Variants in TTLL5 observed in about 807,000 individuals in gnomAD.
TTLL5 encodes tubulin tyrosine ligase like 5.
In TTLL5, 132 loss-of-function variants were observed where a neutral mutation model predicts 168.4. That is an observed-to-expected ratio of 0.78 (90% confidence interval 0.68 to 0.91). TTLL5 has a LOEUF of 0.91. Among genes scored for constraint, TTLL5 ranks in the 40% least tolerant of loss-of-function variants. TTLL5 has a pLI of 0.00. For synonymous variants in TTLL5, 546 were observed against 558.6 expected (o/e 0.98, Z 0.32); for missense variants, 1,545 against 1,581.5 (o/e 0.98, Z 0.39).
At chr14:75,755,725 A>G (rs983585669) in intron 18 of TTLL5, among the ~76,000 whole-genome samples, 22 of 152,162 alleles carry the variant, frequency 1.4e-4, no homozygotes, top group Non-Finnish European at 4.4e-5. Flanking sequence ...AGCAAGTCCT[A>G]GTATCTTCCA....
chr14:75,763,253 CTCTGTGTGTGTGTGTGTG>C (rs1225402992), intron 18 of TTLL5, among the ~76,000 whole-genome samples: 10 of 145,398 alleles, frequency 6.9e-5, no homozygotes, highest in African/African-American at 2.5e-4. Context: ...ATAGCTCTCT[CTCTGTGTGTGTGTGTGTG>C]TGTGTGTGTG....
At chr14:75,863,529 A>G in intron 28 of TTLL5, 138 bp from the exon 29 acceptor site, 1 of 811,482 alleles carries the variant, frequency 1.2e-6, no homozygotes. Context: ...GGAGTGAGAT[A>G]ATATCACACA....
intron 31 of TTLL5, among the ~76,000 whole-genome samples, chr14:75,950,840 C>T (rs2034939885): frequency 6.6e-6 from 1 of 151,992 alleles, no homozygotes; most frequent in Non-Finnish European, 1.5e-5. Flanking sequence ...TGGTGGCACA[C>T]GCCTGTGGTC....
In TTLL5 at chr14:75,733,909, A is replaced by C; in HGVS notation, c.1125-80A>C. On this transcript the variant is annotated intron_variant, in intron 13 of 31. Coordinates refer to ENST00000298832, the MANE Select transcript of TTLL5 (RefSeq NM_015072.5). Reference sequence around the variant, plus strand: ...TTCATTGACATTTGGAAACTTTGCTATATTGGGACCCATCAGAGGGCGGCT... The same window carrying C: ...TTCATTGACATTTGGAAACTTTGCTCTATTGGGACCCATCAGAGGGCGGCT... 1.5e-6 allele frequency: 2 copies of C among 1,368,872 alleles called. 1 individual carries two copies. Among genetic ancestry groups the C allele is most frequent in the East Asian group, 4.6e-5 (2 of 43,520 alleles). 84.8% of individuals were successfully genotyped at this position (1,368,872 alleles called of 1,614,324 possible). A position where few individuals can be genotyped will look rare whatever the true frequency, so the allele number is the denominator to read the frequency against.
chr14:75,707,526 GTTCT>G (rs1252414724), intron 8 of TTLL5, 93 bp from the exon 9 acceptor site: 3 of 1,036,356 alleles, frequency 2.9e-6, no homozygotes, highest in Non-Finnish European at 4.2e-6. Flanking sequence ...GTGTAGGAAT[GTTCT>G]TTCTTTCATG....
intron 18 of TTLL5, among the ~76,000 whole-genome samples, chr14:75,758,292 G>A (rs1890411187): frequency 6.6e-6 from 1 of 152,122 alleles, no homozygotes; most frequent in Non-Finnish European, 1.5e-5. Context: ...TTTCATTTAG[G>A]CAGAGAGCCC....
chr14:75,663,158 CGTGAT>C lies in TTLL5; in HGVS notation c.11_15del (p.Val4GlyfsTer14). On this transcript the variant is annotated frameshift_variant, in exon 2 of 32. Coordinates refer to ENST00000298832, the MANE Select transcript of TTLL5 (RefSeq NM_015072.5). LOFTEE classifies it high-confidence loss of function. The stretch of plus-strand genomic sequence containing the variant: ...GACAAACCCTAAAGGAAATGCCAAT[CGTGAT>C]GGCCCGGGACCTGGAGGAAACAGCA... 1 of 1,613,624 alleles carries C rather than the reference CGTGAT, an allele frequency of 6.2e-7. No individual in the cohort carries two copies. The highest frequency in any genetic ancestry group is 1.1e-5 in the South Asian group (1 of 90,814).
chr14:75,703,719 A>G (rs1886446773), intron 7 of TTLL5, among the ~76,000 whole-genome samples: 1 of 152,204 alleles, frequency 6.6e-6, no homozygotes, highest in Non-Finnish European at 1.5e-5. Flanking sequence ...AGGTCACTCT[A>G]GTCCCTCCTA....
intron 31 of TTLL5, among the ~76,000 whole-genome samples, chr14:75,919,890 G>T (rs2140135749): frequency 6.6e-6 from 1 of 152,126 alleles, no homozygotes; most frequent in African/African-American, 2.4e-5. Flanking sequence ...GGAGGCCAAG[G>T]CAGGCAGATC....
At chr14:75,894,648 A>T (rs1314859422) in intron 30 of TTLL5, among the ~76,000 whole-genome samples, 1 of 152,242 alleles carries the variant, frequency 6.6e-6, no homozygotes, top group Non-Finnish European at 1.5e-5. Flanking sequence ...ATAAATGTTG[A>T]CAAATTAAAC....
chr14:75,721,637 C>A (rs555306655), intron 12 of TTLL5, among the ~76,000 whole-genome samples: 1 of 152,268 alleles, frequency 6.6e-6, no homozygotes, highest in Admixed American at 6.5e-5. Flanking sequence ...TTACTCTAAT[C>A]CTGTTTCCTC....
At chr14:75,719,458 T>C (rs747180783) in intron 10 of TTLL5, among the ~76,000 whole-genome samples, 2 of 152,228 alleles carry the variant, frequency 1.3e-5, no homozygotes, top group Non-Finnish European at 2.9e-5. Flanking sequence ...GCTTTCACTC[T>C]TTCTTGATGC....
intron 28 of TTLL5, among the ~76,000 whole-genome samples, chr14:75,829,007 G>A (rs764198377): frequency 6.6e-6 from 1 of 152,124 alleles, no homozygotes; most frequent in Non-Finnish European, 1.5e-5. Flanking sequence ...CTGTCCTCAA[G>A]AAGGAAAATT....
chr14:75,816,615 ATTGT>A (rs1340803678), intron 27 of TTLL5, among the ~76,000 whole-genome samples: 6 of 152,280 alleles, frequency 3.9e-5, no homozygotes, highest in African/African-American at 9.6e-5. Context: ...AAGTGTGCAC[ATTGT>A]TTATTTATTG....
At chr14:75,910,462 A>T (rs1335887178) in intron 31 of TTLL5, among the ~76,000 whole-genome samples, 1 of 152,178 alleles carries the variant, frequency 6.6e-6, no homozygotes, top group Non-Finnish European at 1.5e-5. Flanking sequence ...TTCTGTCTTT[A>T]TATATATCAC....
chr14:75,776,597 T>C (rs1891736055), intron 22 of TTLL5, 150 bp from the exon 23 acceptor site: 2 of 487,042 alleles, frequency 4.1e-6, no homozygotes, highest in African/African-American at 4.0e-5. Flanking sequence ...TATGTCAAAT[T>C]TATAGGTGGC....
At chr14:75,764,931 A>G (rs1009255172) in intron 19 of TTLL5, among the ~76,000 whole-genome samples, 159 bp downstream of exon 19, 2 of 152,174 alleles carry the variant, frequency 1.3e-5, no homozygotes, top group Non-Finnish European at 2.9e-5. Context: ...ACAAAGTCTT[A>G]AGTTTTTAAA....
At chr14:75,831,716 G>T (rs1895577350) in intron 28 of TTLL5, among the ~76,000 whole-genome samples, 1 of 152,194 alleles carries the variant, frequency 6.6e-6, no homozygotes, top group Admixed American at 6.5e-5. Context: ...TTTAGCAGCT[G>T]CCAGGTATGC....
intron 7 of TTLL5, among the ~76,000 whole-genome samples, chr14:75,704,857 G>A (rs1220942615): frequency 3.3e-5 from 5 of 152,204 alleles, no homozygotes; most frequent in African/African-American, 1.2e-4. Flanking sequence ...TTTATGTTAC[G>A]TGTAACTCAA....
Sources: gnomAD v4.1 joint callset for allele counts (sites outside exome capture counted in the v4.1 genomes callset) on GRCh38, gnomAD v4.1.1 for gene constraint, MANE v1.5 for transcripts, NCBI Gene and HGNC (gene_info 2026-07-23, HGNC 2026-07-21) for gene names.